Variants in PRKCE observed in about 807,000 individuals in gnomAD.
The protein encoded by PRKCE is protein kinase C epsilon type.
A neutral mutation model predicts 85.4 loss-of-function variants in PRKCE; 16 were observed. The observed-to-expected ratio is 0.19, with a 90% CI of 0.13 to 0.28. The LOEUF (loss-of-function observed/expected upper bound fraction) is 0.28. PRKCE is among the 10% of genes least tolerant of loss of function. PRKCE has a pLI of 1.00. For missense variants in PRKCE, 573 were observed against 975.2 expected (o/e 0.59, Z 5.49); for synonymous variants, 388 against 371.5 (o/e 1.04, Z -0.51).
chr2:45,657,048 G>A (rs1445039460), intron 1 of PRKCE, among the ~76,000 whole-genome samples: 1 of 152,214 alleles, frequency 6.6e-6, no homozygotes, highest in African/African-American at 2.4e-5. Flanking sequence ...TTGAAGGGCT[G>A]CATGCAGGTG....
chr2:46,091,764 C>T (rs1670193272), intron 11 of PRKCE, among the ~76,000 whole-genome samples: 2 of 152,306 alleles, frequency 1.3e-5, no homozygotes, highest in South Asian at 2.1e-4. Flanking sequence ...TAGCCAGTCA[C>T]ATACCTCGAA....
intron 2 of PRKCE, among the ~76,000 whole-genome samples, chr2:45,958,508 CAAA>C (rs540917691): frequency 1.3e-4 from 9 of 68,746 alleles, no homozygotes; most frequent in African/African-American, 2.0e-4. Flanking sequence ...GACTCTGTCT[CAAA>C]AAAAAAAAAA....
chr2:45,934,510 G>A (rs899118742), intron 2 of PRKCE, among the ~76,000 whole-genome samples: 13 of 151,904 alleles, frequency 8.6e-5, no homozygotes, highest in East Asian at 1.9e-4. Flanking sequence ...TTAGCCAGAC[G>A]TGGTGGCACA....
At chr2:46,126,085 G>A (rs1673820918) in intron 11 of PRKCE, among the ~76,000 whole-genome samples, 1 of 152,150 alleles carries the variant, frequency 6.6e-6, no homozygotes, top group Non-Finnish European at 1.5e-5. Context: ...CCAAGCTCTG[G>A]CACAGGTAAT....
intron 2 of PRKCE, chr2:45,851,988 G>A (rs916037111): frequency 6.6e-6 from 1 of 152,304 alleles, no homozygotes; most frequent in African/African-American, 2.4e-5. Flanking sequence ...AGTAACTCCA[G>A]GAACCACTTG....
At chr2:45,744,413 T>TTTTCTTTTC (rs1682862770) in intron 1 of PRKCE, among the ~76,000 whole-genome samples, 2 of 117,614 alleles carry the variant, frequency 1.7e-5, no homozygotes, top group African/African-American at 3.2e-5. Flanking sequence ...CTTTCTTTTC[T>TTTTCTTTTC]TTTCTTTCTT....
intron 11 of PRKCE, among the ~76,000 whole-genome samples, chr2:46,115,468 G>A (rs1672678485): frequency 6.6e-6 from 1 of 152,170 alleles, no homozygotes; most frequent in African/African-American, 2.4e-5. Context: ...CACATGGCTG[G>A]AAAAATAAGC....
At position 45,683,010 on chromosome 2, in the gene PRKCE, A is replaced by G. The variant is rs568242082; in HGVS notation, c.348+30562A>G. 5.9e-5 allele frequency among the ~76,000 whole-genome samples: 9 copies of G among 152,290 alleles called. No individual in the cohort carries two copies. The South Asian group carries it at 1.9e-3, about 32-fold the overall frequency. On this transcript the variant is annotated intron_variant, in intron 1 of 14. Coordinates refer to ENST00000306156, the MANE Select transcript of PRKCE (RefSeq NM_005400.3). ...TCTCTTTACGAAAAAAGAATATTGT[A>G]CGTCTTTTATTTATTTTTAATGGGG...
chr2:45,931,296 AT>A (rs1221094392), intron 2 of PRKCE, among the ~76,000 whole-genome samples: 2 of 152,178 alleles, frequency 1.3e-5, no homozygotes, highest in African/African-American at 4.8e-5. Flanking sequence ...CAATGCTGTG[AT>A]TTATGCTAGA....
intron 2 of PRKCE, among the ~76,000 whole-genome samples, chr2:45,885,896 A>G (rs1305124071): frequency 6.6e-6 from 1 of 152,256 alleles, no homozygotes; most frequent in African/African-American, 2.4e-5. Flanking sequence ...GGAGCCTCGG[A>G]GAAATCCCAT....
chr2:45,740,992 C>A (rs1238572371), intron 1 of PRKCE, among the ~76,000 whole-genome samples: 4 of 152,194 alleles, frequency 2.6e-5, no homozygotes, highest in African/African-American at 9.6e-5. Context: ...AAAAATCTCT[C>A]TATATAAGAT....
At chr2:45,708,044 C>T (rs1679265668) in intron 1 of PRKCE, among the ~76,000 whole-genome samples, 1 of 152,258 alleles carries the variant, frequency 6.6e-6, no homozygotes, top group African/African-American at 2.4e-5. Flanking sequence ...TGCTGGGATG[C>T]TGCAGGGTGC....
At chr2:45,903,850 G>A (rs1419960542) in intron 2 of PRKCE, among the ~76,000 whole-genome samples, 2 of 150,524 alleles carry the variant, frequency 1.3e-5, no homozygotes, top group African/African-American at 4.9e-5. Context: ...CAGTTTGGGA[G>A]CATTTGTATA....
intron 2 of PRKCE, among the ~76,000 whole-genome samples, chr2:45,944,397 G>A (rs1353773520): frequency 6.6e-6 from 1 of 152,186 alleles, no homozygotes; most frequent in Non-Finnish European, 1.5e-5. Flanking sequence ...CTGGAGTGAT[G>A]GCTATGCTGG....
chr2:46,053,050 C>T (rs1365771870), intron 10 of PRKCE, among the ~76,000 whole-genome samples: 2 of 152,110 alleles, frequency 1.3e-5, no homozygotes, highest in East Asian at 3.9e-4. Context: ...AAGCTGAAGG[C>T]CAAGGGAACC....
chr2:45,978,935 A>G (rs1173369165), intron 3 of PRKCE, 41 bp from the exon 4 acceptor site: 2 of 1,587,940 alleles, frequency 1.3e-6, no homozygotes, highest in Non-Finnish European at 1.7e-6. Flanking sequence ...TGACCTGGTA[A>G]GATTTCACTT....
intron 1 of PRKCE, chr2:45,674,934 A>G (rs1676358375): frequency 1.3e-5 from 2 of 152,236 alleles, no homozygotes; most frequent in African/African-American, 4.8e-5. Flanking sequence ...AGACATGATT[A>G]TTTTTGGTAG....
At position 45,940,145 on chromosome 2, in the gene PRKCE, C is replaced by T. The variant is rs1021409469; in HGVS notation, c.413-36284C>T. Reference sequence around the variant, plus strand: ...ATCAGCAATGCAAATTGGAAGCTTCCCTCAGACCTCTTTTCCAGTTCATCA... The same window carrying T: ...ATCAGCAATGCAAATTGGAAGCTTCTCTCAGACCTCTTTTCCAGTTCATCA... On this transcript the variant is annotated intron_variant, in intron 2 of 14. Coordinates refer to ENST00000306156, the MANE Select transcript of PRKCE (RefSeq NM_005400.3). Among the ~76,000 whole-genome samples the T allele has an allele frequency of 2.0e-5, 3 of 152,308 alleles. No individual in the cohort carries two copies. The South Asian group carries it at 6.2e-4, about 32-fold the overall frequency.
chr2:45,702,118 G>A (rs1030726654), intron 1 of PRKCE, among the ~76,000 whole-genome samples: 1 of 152,156 alleles, frequency 6.6e-6, no homozygotes. Context: ...GAACCTGGGA[G>A]GCAGAGGTTG....
Sources: gnomAD v4.1 joint callset for allele counts (sites outside exome capture counted in the v4.1 genomes callset) on GRCh38, gnomAD v4.1.1 for gene constraint, MANE v1.5 for transcripts, NCBI Gene and HGNC (gene_info 2026-07-23, HGNC 2026-07-21) for gene names.